Variants in PDE9A observed in about 807,000 individuals in gnomAD.
PDE9A encodes phosphodiesterase 9A, also known as high affinity cGMP-specific 3',5'-cyclic phosphodiesterase 9A.
Under a neutral mutation model 87.4 loss-of-function variants are expected in PDE9A, and 60 were observed. That is an observed-to-expected ratio of 0.69 (90% confidence interval 0.56 to 0.85). The LOEUF is 0.85. Among genes scored for constraint, PDE9A ranks in the 40% least tolerant of loss-of-function variants. The pLI is 0.00. For missense variants in PDE9A, 665 were observed against 779.0 expected (o/e 0.85, Z 1.74); for synonymous variants, 272 against 279.4 (o/e 0.97, Z 0.27).
At chr21:42,691,232 C>A (rs2059819429) in intron 3 of PDE9A, among the ~76,000 whole-genome samples, 1 of 150,688 alleles carries the variant, frequency 6.6e-6, no homozygotes, top group African/African-American at 2.4e-5. Flanking sequence ...CCATCACCAT[C>A]CAGATTCACC....
intron 1 of PDE9A, among the ~76,000 whole-genome samples, chr21:42,666,473 C>T (rs2058000158): frequency 1.3e-5 from 2 of 152,168 alleles, no homozygotes; most frequent in Admixed American, 6.5e-5. Context: ...CCCGCAGCTC[C>T]GTCTCAGCTT....
intron 8 of PDE9A, among the ~76,000 whole-genome samples, chr21:42,748,953 A>G (rs950554868): frequency 5.3e-5 from 8 of 152,190 alleles, no homozygotes; most frequent in Non-Finnish European, 1.0e-4. Context: ...ACTTGGCATA[A>G]TATCCGTGAT....
intron 1 of PDE9A, among the ~76,000 whole-genome samples, chr21:42,657,794 C>G (rs1004250316): frequency 6.6e-6 from 1 of 152,226 alleles, no homozygotes; most frequent in Non-Finnish European, 1.5e-5. Flanking sequence ...CTGCCCTGAC[C>G]TGGCGGCCCC....
At position 42,677,699 on chromosome 21, in the gene PDE9A, G is replaced by A. The variant is rs532219705; in HGVS notation, c.70-8493G>A. On this transcript the variant is annotated intron_variant, in intron 1 of 19. Coordinates refer to ENST00000291539, the MANE Select transcript of PDE9A (RefSeq NM_002606.3). Reference sequence around the variant, plus strand: ...GCTCTGTTGCCCAGGCTGGAATGCAGTGGCACAATCTTGGCTCACCGCAGT... The same window carrying A: ...GCTCTGTTGCCCAGGCTGGAATGCAATGGCACAATCTTGGCTCACCGCAGT... Among the ~76,000 whole-genome samples, 3 of 152,044 alleles carry A rather than the reference G, an allele frequency of 2.0e-5. No individual in the cohort carries two copies. The East Asian group carries it at 5.8e-4, about 29-fold the overall frequency.
chr21:42,753,863 A>G (rs2054699178), intron 9 of PDE9A, 127 bp from the exon 10 acceptor site: 7 of 49,322 alleles, frequency 1.4e-4, no homozygotes, highest in Non-Finnish European at 3.0e-4. Context: ...CTCTATCTCA[A>G]AAAAAAAAAA....
At chr21:42,700,208 T>C (rs2048273570) in intron 4 of PDE9A, among the ~76,000 whole-genome samples, 1 of 152,146 alleles carries the variant, frequency 6.6e-6, no homozygotes, top group Non-Finnish European at 1.5e-5. Flanking sequence ...TATTGCTAAG[T>C]GGTATCCCAT....
chr21:42,745,010 G>A (rs1388127567), intron 8 of PDE9A, among the ~76,000 whole-genome samples: 1 of 152,222 alleles, frequency 6.6e-6, no homozygotes. Context: ...GCCTCAGTGG[G>A]ATTTAATGGG....
chr21:42,687,910 T>C lies in PDE9A; in HGVS notation c.141-7T>C. The C allele has an allele frequency of 6.2e-7, 1 of 1,612,816 alleles. No individual in the cohort carries two copies. Among genetic ancestry groups the C allele is most frequent in the South Asian group, 1.1e-5 (1 of 91,056 alleles). On this transcript the variant is annotated splice_polypyrimidine_tract_variant and splice_region_variant and intron_variant, in intron 2 of 19. Coordinates refer to ENST00000291539, the MANE Select transcript of PDE9A (RefSeq NM_002606.3). ...GGCGAAAACACGGGCTTGGGTGTGT[T>C]TTCCAGGAACACGACCATCTCCCTG... is the stretch of plus-strand genomic sequence containing the variant.
intron 4 of PDE9A, among the ~76,000 whole-genome samples, chr21:42,720,938 G>A (rs907375882): frequency 1.1e-4 from 16 of 152,026 alleles, no homozygotes; most frequent in African/African-American, 3.9e-4. Flanking sequence ...CCGGGAGGCG[G>A]AGGTTGCAGT....
chr21:42,736,161 C>T lies in PDE9A; in HGVS notation c.568+2735C>T, dbSNP rs561538021. Among the ~76,000 whole-genome samples the T allele has an allele frequency of 2.6e-5, 4 of 152,278 alleles. No individual in the cohort carries two copies. In the South Asian group the frequency reaches 8.3e-4, roughly 32 times the overall value. Reference sequence around the variant, plus strand: ...CACCTGGAAGCCAGTGCCAGCTCCCCCCATGCTCTTCCCGGAAAGTGCAAA... The same window carrying T: ...CACCTGGAAGCCAGTGCCAGCTCCCTCCATGCTCTTCCCGGAAAGTGCAAA... On this transcript the variant is annotated intron_variant, in intron 7 of 19. Coordinates refer to ENST00000291539, the MANE Select transcript of PDE9A (RefSeq NM_002606.3).
chr21:42,753,194 C>T (rs796983997), intron 9 of PDE9A, among the ~76,000 whole-genome samples: 10 of 152,106 alleles, frequency 6.6e-5, no homozygotes, highest in African/African-American at 2.4e-4. Flanking sequence ...TTTGTAGAGT[C>T]GGGATTCCAC....
At chr21:42,764,893 A>G (rs2056210073) in intron 14 of PDE9A, among the ~76,000 whole-genome samples, 1 of 152,156 alleles carries the variant, frequency 6.6e-6, no homozygotes, top group South Asian at 2.1e-4. Flanking sequence ...TGGGTTTTGT[A>G]TCTGATGCTT....
Position 42,722,789 on chromosome 21 carries a change from T to G in PDE9A, c.263-8981T>G, listed in dbSNP as rs1191895611. On this transcript the variant is annotated intron_variant, in intron 4 of 19. Coordinates refer to ENST00000291539, the MANE Select transcript of PDE9A (RefSeq NM_002606.3). The surrounding 1 kb of genome is among the most constrained non-coding windows in gnomAD (Gnocchi z 4.1). ...TGGCTGGCCAATCAAATTAACTTAT[T>G]GTTACACTAATTTTTAGAATCAGAA... Among the ~76,000 whole-genome samples the G allele has an allele frequency of 6.6e-6, 1 of 152,234 alleles. No homozygotes were observed. Among genetic ancestry groups the G allele is most frequent in the Non-Finnish European group, 1.5e-5 (1 of 68,036 alleles).
At position 42,660,484 on chromosome 21, in the gene PDE9A, G is replaced by A. The variant is rs1037811071; in HGVS notation, c.69+6601G>A. Among the ~76,000 whole-genome samples the A allele has an allele frequency of 1.3e-5, 2 of 152,100 alleles. No homozygotes were observed. Among genetic ancestry groups the A allele is most frequent in the Non-Finnish European group, 2.9e-5 (2 of 68,030 alleles). On this transcript the variant is annotated intron_variant, in intron 1 of 19. Coordinates refer to ENST00000291539, the MANE Select transcript of PDE9A (RefSeq NM_002606.3). This position sits in a 1 kb window ranked among gnomAD's most constrained non-coding sequence, Gnocchi z 4.7. ...TGAGAAGAAAATGTTCTAAGAAAGT[G>A]CACAGGGTGGTGGATGAAAGACCAC...
intron 15 of PDE9A, among the ~76,000 whole-genome samples, chr21:42,767,727 C>T (rs1315700579): frequency 3.3e-5 from 5 of 152,184 alleles, no homozygotes; most frequent in African/African-American, 7.2e-5. Context: ...GGCCACGGGA[C>T]GCCAGCCCTC....
chr21:42,665,220 C>A (rs186926665), intron 1 of PDE9A, among the ~76,000 whole-genome samples: 55 of 152,354 alleles, frequency 3.6e-4, no homozygotes, highest in Admixed American at 9.8e-4. Context: ...TCCCTGGAGT[C>A]CTGGGAAGGA....
At chr21:42,700,149 G>A (rs1004916181) in intron 4 of PDE9A, among the ~76,000 whole-genome samples, 11 of 152,108 alleles carry the variant, frequency 7.2e-5, no homozygotes, top group African/African-American at 2.7e-4. Flanking sequence ...TCAACATAAT[G>A]TTTTTGAGAT....
chr21:42,723,077 A>ACCCACACAGCTGCGTCCTGCCC lies in PDE9A; in HGVS notation c.263-8692_263-8671dup, dbSNP rs2050694368. On this transcript the variant is annotated intron_variant, in intron 4 of 19. Transcript: ENST00000291539. The surrounding 1 kb of genome is among the most constrained non-coding windows in gnomAD (Gnocchi z 4.3). ...CATGAGGCAGGGTGTCCATCCTGCC[A>ACCCACACAGCTGCGTCCTGCCC]CCCACACAGCTGCGTCCTGCCCAGG... Among the ~76,000 whole-genome samples the ACCCACACAGCTGCGTCCTGCCC allele has an allele frequency of 6.6e-6, 1 of 152,302 alleles. No homozygotes were observed. The highest frequency in any genetic ancestry group is 6.5e-5 in the Admixed American group (1 of 15,298).
intron 1 of PDE9A, among the ~76,000 whole-genome samples, chr21:42,684,678 G>GGGGGCTGCTGAA (rs2059349045): frequency 6.6e-6 from 1 of 152,228 alleles, no homozygotes. Context: ...AGGCCAAAGT[G>GGGGGCTGCTGAA]GGGGCTGCTG....
Sources: allele counts gnomAD v4.1 joint callset (sites outside exome capture counted in the v4.1 genomes callset), GRCh38; gene constraint gnomAD v4.1.1; non-coding constraint Gnocchi (gnomAD v3.1); transcripts MANE v1.5; gene names NCBI Gene and HGNC (gene_info 2026-07-23, HGNC 2026-07-21).